Variants in SLC4A9 observed in about 807,000 individuals in gnomAD.
SLC4A9 encodes anion exchange protein 4.
In SLC4A9, 102 loss-of-function variants were observed where a neutral mutation model predicts 103.2. The ratio of observed to expected loss-of-function variants is 0.99; its 90% CI spans 0.84 to 1.17. The LOEUF (loss-of-function observed/expected upper bound fraction) is 1.17, where lower values mean the gene tolerates loss of function less well. Among genes scored for constraint, SLC4A9 ranks in the 50% most tolerant of loss-of-function variants. SLC4A9 has a pLI of 0.00. For synonymous variants in SLC4A9, 453 were observed against 483.6 expected, an observed-to-expected ratio of 0.94 and a Z score of 0.83; for missense variants, 1,091 against 1,193.7, an observed-to-expected ratio of 0.91 and a Z score of 1.27.
intron 11 of SLC4A9, 26 bp from the exon 12 acceptor site, chr5:140,365,494 C>G: frequency 6.3e-7 from 1 of 1,598,242 alleles, no homozygotes; most frequent in Admixed American, 1.7e-5. Flanking sequence ...AGGGAACATA[C>G]ATCTGAATTC....
chr5:140,372,840 T>A lies in SLC4A9; in HGVS notation c.*42T>A. 6.6e-7 allele frequency: 1 copy of A among 1,509,244 alleles called. No individual in the cohort carries two copies. Among genetic ancestry groups the A allele is most frequent in the South Asian group, 1.3e-5 (1 of 79,166 alleles). The allele number at this position is 1,509,244 out of a possible 1,614,324, so 93.5% of individuals were successfully genotyped here. On this transcript the variant is annotated 3_prime_UTR_variant, in exon 21 of 22. Transcript: ENST00000506757. The stretch of plus-strand genomic sequence containing the variant: ...GGAGTGGAGACCCCAGGAAACAGCA[T>A]GAGGTGAGGGTGTGAGGGAAGTGCT...
chr5:140,362,889 C>T (rs1767310157), intron 6 of SLC4A9, 23 bp from the exon 7 acceptor site: 4 of 1,613,824 alleles, frequency 2.5e-6, no homozygotes, highest in African/African-American at 1.3e-5. Flanking sequence ...CACTTACCAC[C>T]CATTCTGTGC....
intron 17 of SLC4A9, among the ~76,000 whole-genome samples, chr5:140,369,459 C>A (rs1768377747): frequency 6.6e-6 from 1 of 152,080 alleles, no homozygotes; most frequent in Admixed American, 6.6e-5. Flanking sequence ...AAGCCCCTAC[C>A]AGCAACACAC....
chr5:140,366,161 G>A lies in SLC4A9; in HGVS notation c.1910G>A (p.Gly637Glu). 5.0e-6 allele frequency: 8 copies of A among 1,613,484 alleles called. No homozygotes were observed. The highest frequency in any genetic ancestry group is 6.8e-6 in the Non-Finnish European group (8 of 1,179,614). ...TCCACTGTGTGCCAGGTGCGCAAAGGGCTCAGCGACTTCTCCTCAGTCCTG... is the reference window on the plus strand; with the variant it reads ...TCCACTGTGTGCCAGGTGCGCAAAGAGCTCAGCGACTTCTCCTCAGTCCTG... ...SRFFPSVVRK[G>E]LSDFSSVLAI... Residue 637 changes from glycine (G) to glutamate (E), a missense_variant, in exon 14 of 22, where the codon GGG (glycine) becomes GAG (glutamate). Physicochemically the swap from Gly to Glu is moderately conservative, Grantham distance 98. Transcript: ENST00000506757.
intron 14 of SLC4A9, 86 bp downstream of exon 14, chr5:140,366,350 C>T: frequency 1.2e-6 from 1 of 854,508 alleles, no homozygotes; most frequent in Non-Finnish European, 1.8e-6. Flanking sequence ...AAATCCCACA[C>T]TTCTCTAAGC....
At position 140,360,868 on chromosome 5, in the gene SLC4A9, A is replaced by G; in HGVS notation, c.287A>G (p.His96Arg). The G allele has an allele frequency of 6.2e-7, 1 of 1,612,402 alleles. No homozygotes were observed. The highest frequency in any genetic ancestry group is 8.5e-7 in the Non-Finnish European group (1 of 1,179,580). ...GCTGCAGGCCGGTGGAGTGCCCCCCACGTGCCCACCCTGGCACTGCCCAGC... is the reference window on the plus strand; with the variant it reads ...GCTGCAGGCCGGTGGAGTGCCCCCCGCGTGCCCACCCTGGCACTGCCCAGC... ...EVAAGRWSAP[H>R]VPTLALPSLQ... Residue 96 changes from histidine (H) to arginine (R), a missense_variant, in exon 2 of 22, where the codon CAC (histidine) becomes CGC (arginine). His to Arg is a conservative substitution (Grantham distance 29). Coordinates refer to ENST00000506757, the MANE Select transcript of SLC4A9 (RefSeq NM_031467.3).
At position 140,364,276 on chromosome 5, in the gene SLC4A9, C is replaced by T; in HGVS notation, c.1389-87C>T. The T allele has an allele frequency of 2.5e-6, 4 of 1,590,378 alleles. 1 individual carries two copies. The South Asian group carries it at 4.6e-5, about 18-fold the overall frequency. On this transcript the variant is annotated intron_variant, in intron 10 of 21. Transcript: ENST00000506757. Reference sequence around the variant, plus strand: ...GTGAATAGGAGAGAGTGGGAGCTATCTGTTTGGGTTGAGGGACACCTGACC... The same window carrying T: ...GTGAATAGGAGAGAGTGGGAGCTATTTGTTTGGGTTGAGGGACACCTGACC...
chr5:140,362,990 A>G lies in SLC4A9; in HGVS notation c.886A>G (p.Thr296Ala). 1 of 1,612,710 alleles carries G rather than the reference A, an allele frequency of 6.2e-7. No individual in the cohort carries two copies. Among genetic ancestry groups the G allele is most frequent in the Non-Finnish European group, 8.5e-7 (1 of 1,179,524 alleles). The part of the protein sequence containing the change: ...AALDAFLEEV[T>A]VLPPGRWDPT... The stretch of plus-strand genomic sequence containing the variant: ...CCTGGATGCATTCCTAGAGGAGGTG[A>G]CAGTGCTTCCCCCAGGTCGGTGGGA... Residue 296 changes from threonine to alanine, a missense_variant, in exon 7 of 22, where the codon ACA becomes GCA. Transcript: ENST00000506757.
chr5:140,372,428 ATG>A, intron 20 of SLC4A9, 31 bp downstream of exon 20: 1 of 1,602,018 alleles, frequency 6.2e-7, no homozygotes, highest in Non-Finnish European at 8.5e-7. Flanking sequence ...TCTCAGGAGA[ATG>A]TGTCAGGGTT....
intron 10 of SLC4A9, 87 bp downstream of exon 10, chr5:140,364,274 ATC>A: frequency 6.3e-7 from 1 of 1,588,978 alleles, no homozygotes. Flanking sequence ...AGTGGGAGCT[ATC>A]TGTTTGGGTT....
chr5:140,364,169 T>A lies in SLC4A9; in HGVS notation c.1370T>A (p.Leu457Gln). The change falls in exon 10 of 22, where the codon CTG becomes CAG. Residue 457 changes from leucine (L) to glutamine (Q), a missense_variant. Physicochemically the swap from Leu to Gln is moderately radical, Grantham distance 113 (BLOSUM62 -2). Transcript: ENST00000506757. ...GGGCCAGTGCTGGTCTTTGAGCGCC[T>A]GCTCTTCTCTTTCAGCAGGTAGGAG... ...STGPVLVFER[L>Q]LFSFSRDYSL... The A allele has an allele frequency of 6.4e-7, 1 of 1,571,178 alleles. No homozygotes were observed. The highest frequency in any genetic ancestry group is 8.6e-7 in the Non-Finnish European group (1 of 1,158,422).
chr5:140,372,857 G>A lies in SLC4A9; in HGVS notation c.*45+14G>A. 1 of 1,443,436 alleles carries A rather than the reference G, an allele frequency of 6.9e-7. No individual in the cohort carries two copies. The highest frequency in any genetic ancestry group is 9.3e-7 in the Non-Finnish European group (1 of 1,071,212). 89.4% of individuals were successfully genotyped at this position (1,443,436 alleles called of 1,614,324 possible). A position where few individuals can be genotyped will look rare whatever the true frequency, so the allele number is the denominator to read the frequency against. ...AAACAGCATGAGGTGAGGGTGTGAG[G>A]GAAGTGCTCCTGATGTTGAGGATGG... On this transcript the variant is annotated intron_variant, in intron 21 of 21. Transcript: ENST00000506757.
chr5:140,366,207 C>T lies in SLC4A9; in HGVS notation c.1956C>T (p.Gly652=). The change falls in exon 14 of 22, where the codon GGC becomes GGT. Residue 652 remains glycine (G), a synonymous_variant. Coordinates refer to ENST00000506757, the MANE Select transcript of SLC4A9 (RefSeq NM_031467.3). ...SSVLAILLGC[G]LDAFLGLATP... is the part of the protein sequence containing the mutation. The stretch of plus-strand genomic sequence containing the variant: ...TCCTGGCCATCCTGCTCGGCTGTGG[C>T]CTTGATGCTTTCCTGGGCCTAGCCA... The T allele has an allele frequency of 1.2e-6, 2 of 1,609,884 alleles. No individual in the cohort carries two copies. The highest frequency in any genetic ancestry group is 2.2e-5 in the East Asian group (1 of 44,788).
intron 19 of SLC4A9, 139 bp downstream of exon 19, chr5:140,371,763 A>G: frequency 3.0e-6 from 3 of 1,009,874 alleles, no homozygotes; most frequent in Non-Finnish European, 4.3e-6. Flanking sequence ...ATCCTAAGAC[A>G]AAGAAAAAGA....
intron 6 of SLC4A9, 24 bp downstream of exon 6, chr5:140,362,556 G>A: frequency 6.2e-6 from 10 of 1,608,782 alleles, no homozygotes; most frequent in Non-Finnish European, 8.5e-6. Flanking sequence ...GTGTGTGTGT[G>A]TGCGCGCGCA....
chr5:140,366,362 T>G, intron 14 of SLC4A9, 98 bp downstream of exon 14: 1 of 823,936 alleles, frequency 1.2e-6, no homozygotes, highest in Non-Finnish European at 1.9e-6. Flanking sequence ...TCTCTAAGCT[T>G]CTTTCTTCAC....
intron 3 of SLC4A9, 31 bp downstream of exon 3, chr5:140,361,398 GA>G: frequency 6.6e-7 from 1 of 1,526,664 alleles, no homozygotes; most frequent in Non-Finnish European, 8.9e-7. Context: ...CCAGGACCAA[GA>G]CCCTGGTGTG....
At position 140,367,587 on chromosome 5, in the gene SLC4A9, G is replaced by C. The variant is rs1462439235; in HGVS notation, c.2175+6G>C. The C allele has an allele frequency of 1.2e-6, 2 of 1,601,610 alleles. No homozygotes were observed. The highest frequency in any genetic ancestry group is 8.5e-7 in the Non-Finnish European group (1 of 1,174,182). ...GCATGGAATACAGACTGCAGGTAAG[G>C]CCTGCTGGGTAAGGCCCAAGACCAA... is the stretch of plus-strand genomic sequence containing the variant. On this transcript the variant is annotated splice_donor_region_variant and intron_variant, in intron 15 of 21. Coordinates refer to ENST00000506757, the MANE Select transcript of SLC4A9 (RefSeq NM_031467.3).
chr5:140,373,299 A>G (rs1163125345), intron 21 of SLC4A9, among the ~76,000 whole-genome samples: 5 of 152,156 alleles, frequency 3.3e-5, no homozygotes, highest in African/African-American at 7.2e-5. Flanking sequence ...ATTCATCCAT[A>G]TATCAAGCAT....
Sources: gnomAD v4.1 joint callset for allele counts (sites outside exome capture counted in the v4.1 genomes callset) on GRCh38, gnomAD v4.1.1 for gene constraint, MANE v1.5 for transcripts, NCBI Gene and HGNC (gene_info 2026-07-23, HGNC 2026-07-21) for gene names.